LYPD6: variants seen among roughly 807,000 people sequenced by gnomAD.
The protein encoded by LYPD6 is ly6/PLAUR domain-containing protein 6.
Under a neutral mutation model 22.7 loss-of-function variants are expected in LYPD6, and 15 were observed. The observed-to-expected ratio is 0.66, with a 90% CI of 0.44 to 1.02. The LOEUF is 1.02. Ranked by LOEUF, LYPD6 falls within the 50% of genes least tolerant of loss-of-function variation. The pLI is 0.00. For missense variants in LYPD6, 189 were observed against 208.4 expected (o/e 0.91, Z 0.57); for synonymous variants, 72 against 77.5 (o/e 0.93, Z 0.37).
At chr2:149,443,367 A>G (rs552455988) in intron 2 of LYPD6, among the ~76,000 whole-genome samples, 1 of 152,340 alleles carries the variant, frequency 6.6e-6, no homozygotes, top group East Asian at 1.9e-4. Flanking sequence ...TGACAGACAG[A>G]TAAAATTGGA....
intron 1 of LYPD6, among the ~76,000 whole-genome samples, chr2:149,420,586 A>C (rs968944522): frequency 6.6e-6 from 1 of 152,108 alleles, no homozygotes; most frequent in Non-Finnish European, 1.5e-5. Context: ...AGGGTGAAAA[A>C]CACTTTAGGG....
chr2:149,363,650 T>C (rs1681610290), intron 1 of LYPD6, among the ~76,000 whole-genome samples: 1 of 152,236 alleles, frequency 6.6e-6, no homozygotes, highest in Non-Finnish European at 1.5e-5. Context: ...TCTGTGTGCC[T>C]GTCTTTGTTA....
intron 1 of LYPD6, among the ~76,000 whole-genome samples, chr2:149,377,399 T>A (rs1158675936): frequency 1.3e-5 from 2 of 152,012 alleles, no homozygotes; most frequent in Non-Finnish European, 2.9e-5. Context: ...AAAGGGATGC[T>A]GCGAGAGGCA....
chr2:149,467,975 G>A (rs1681240209), intron 3 of LYPD6, among the ~76,000 whole-genome samples: 1 of 152,090 alleles, frequency 6.6e-6, no homozygotes, highest in African/African-American at 2.4e-5. Flanking sequence ...GTCCTAGGAA[G>A]ACACTGAAAT....
At chr2:149,485,118 G>T in the LYPD6 span, among the ~76,000 whole-genome samples, 1 of 152,116 alleles carries the variant, frequency 6.6e-6, no homozygotes, top group African/African-American at 2.4e-5. Flanking sequence ...AAGCCAAAAG[G>T]ATTCGTAGCA....
chr2:149,428,636 C>A (rs1432211602), intron 1 of LYPD6, among the ~76,000 whole-genome samples: 31 of 152,064 alleles, frequency 2.0e-4, no homozygotes, highest in Admixed American at 2.0e-3. Context: ...AACACTGACC[C>A]AAATAACAGT....
intron 1 of LYPD6, among the ~76,000 whole-genome samples, chr2:149,354,497 C>T (rs755627151): frequency 2.6e-5 from 4 of 152,246 alleles, no homozygotes; most frequent in East Asian, 1.9e-4. Context: ...TGAACCACCG[C>T]ACCTGGCCTC....
At chr2:149,464,379 C>T (rs1681156522) in intron 3 of LYPD6, 1 of 248,500 alleles carries the variant, frequency 4.0e-6, no homozygotes, top group South Asian at 4.9e-5. Context: ...TAAGGATGCA[C>T]ATTTTTCATC....
rs58309346 is a variant in LYPD6, at chr2:149,468,132, AACACACACACACACAC to A, written c.218-472_218-457del. Among the ~76,000 whole-genome samples the A allele has an allele frequency of 1.7e-3, 199 of 114,716 alleles. 1 individual carries two copies. The highest frequency in any genetic ancestry group is 5.7e-3 in the African/African-American group (170 of 29,830). The allele number at this position is 114,716 out of a possible 152,430, so 75.3% of individuals were successfully genotyped here. On this transcript the variant is annotated intron_variant, in intron 3 of 4. Coordinates refer to ENST00000334166, the MANE Select transcript of LYPD6 (RefSeq NM_194317.5). ...CTCTTGTGAATAGCTGCTTCCCCCC[AACACACACACACACAC>A]ACACACACACACACACACACACACA...
At chr2:149,476,483 G>T (rs562861724), downstream of LYPD6, among the ~76,000 whole-genome samples, 1 of 152,264 alleles carries the variant, frequency 6.6e-6, no homozygotes, top group South Asian at 2.1e-4. Flanking sequence ...AAAACCGTGT[G>T]TTGTCTCTAT....
downstream of LYPD6, among the ~76,000 whole-genome samples, chr2:149,478,403 CG>C (rs1558822894): frequency 3.5e-4 from 42 of 118,966 alleles, 1 homozygote; most frequent in Admixed American, 2.8e-4. Flanking sequence ...TGTGTGTGCG[CG>C]CACGCATGTG....
chr2:149,386,157 T>C (rs1573761034), intron 1 of LYPD6, among the ~76,000 whole-genome samples: 2 of 152,324 alleles, frequency 1.3e-5, no homozygotes, highest in East Asian at 3.9e-4. Flanking sequence ...AGAATGACGA[T>C]TAACCTGAAC....
intron 1 of LYPD6, among the ~76,000 whole-genome samples, chr2:149,354,392 G>A (rs1471104120): frequency 2.0e-5 from 3 of 152,148 alleles, no homozygotes; most frequent in Admixed American, 1.3e-4. Context: ...ATTTTTAGTA[G>A]AGACGGGGTT....
chr2:149,454,316 C>T (rs1207233755), intron 3 of LYPD6, among the ~76,000 whole-genome samples: 1 of 152,148 alleles, frequency 6.6e-6, no homozygotes, highest in South Asian at 2.1e-4. Context: ...ACTCCATCCC[C>T]AAAGGTAACA....
chr2:149,379,816 T>C (rs558723809), intron 1 of LYPD6, among the ~76,000 whole-genome samples: 25 of 152,356 alleles, frequency 1.6e-4, no homozygotes, highest in African/African-American at 5.8e-4. Context: ...TCCTAAGTGC[T>C]AGTTTACAGC....
intron 3 of LYPD6, among the ~76,000 whole-genome samples, chr2:149,461,124 A>G (rs1681078206): frequency 6.6e-6 from 1 of 152,038 alleles, no homozygotes; most frequent in Non-Finnish European, 1.5e-5. Context: ...AAATCAGGAA[A>G]TAATAATGAT....
chr2:149,451,864 C>G (rs1396558702), intron 3 of LYPD6, among the ~76,000 whole-genome samples: 1 of 152,158 alleles, frequency 6.6e-6, no homozygotes, highest in African/African-American at 2.4e-5. Flanking sequence ...TTTCTTCTTT[C>G]AGGGAGCAGG....
chr2:149,347,281 C>T, intron 1 of LYPD6, among the ~76,000 whole-genome samples: 1 of 152,148 alleles, frequency 6.6e-6, no homozygotes, highest in East Asian at 1.9e-4. Context: ...ATCATGATCT[C>T]CCAAAGGTCC....
At chr2:149,486,259 C>T in the LYPD6 span, among the ~76,000 whole-genome samples, 1 of 152,118 alleles carries the variant, frequency 6.6e-6, no homozygotes, top group East Asian at 1.9e-4. Flanking sequence ...ATATTTATTT[C>T]CAGTTATATA....
Sources: gnomAD v4.1 joint callset for allele counts (sites outside exome capture counted in the v4.1 genomes callset) on GRCh38, gnomAD v4.1.1 for gene constraint, MANE v1.5 for transcripts, NCBI Gene and HGNC (gene_info 2026-07-23, HGNC 2026-07-21) for gene names.